Variants in BLVRB observed in about 807,000 individuals in gnomAD.
The protein encoded by BLVRB is flavin reductase (NADPH).
BLVRB carries 25 observed loss-of-function variants against 21.1 expected under a neutral mutation model. The ratio of observed to expected loss-of-function variants is 1.19; its 90% confidence interval spans 0.86 to 1.66. BLVRB has a LOEUF of 1.66. Ranked by LOEUF, BLVRB falls within the 40% of genes most tolerant of loss-of-function variation. The probability of loss-of-function intolerance (pLI) is 0.00; values close to 1 mark genes in which losing one functional copy is unlikely to be tolerated. For missense variants in BLVRB, 274 were observed against 282.7 expected, an observed-to-expected ratio of 0.97 and a Z score of 0.22; for synonymous variants, 128 against 122.2, an observed-to-expected ratio of 1.05 and a Z score of -0.31.
At chr19:40,454,554 CT>C (rs766395951) in intron 3 of BLVRB, among the ~76,000 whole-genome samples, 39 of 147,178 alleles carry the variant, frequency 2.6e-4, no homozygotes, top group East Asian at 4.0e-4. Context: ...TTTCTTTTTT[CT>C]TTTTTTTTTT....
At chr19:40,448,127 C>T in intron 4 of BLVRB, 81 bp from the exon 5 acceptor site, 1 of 1,484,560 alleles carries the variant, frequency 6.7e-7, no homozygotes, top group South Asian at 1.3e-5. Context: ...AAAGACCTTC[C>T]CAGGGTGCCT....
intron 1 of BLVRB, among the ~76,000 whole-genome samples, chr19:40,459,304 GA>G (rs2079776068): frequency 9.7e-6 from 1 of 103,436 alleles, no homozygotes; most frequent in Non-Finnish European, 1.8e-5. Context: ...CTCCAGCCTG[GA>G]TGACAAAGCG....
chr19:40,448,024 C>T lies in BLVRB; in HGVS notation c.486G>A (p.Ala162=), dbSNP rs761616455. 94 of 1,613,420 alleles carry T rather than the reference C, an allele frequency of 5.8e-5. No individual in the cohort carries two copies. Among genetic ancestry groups the T allele is most frequent in the South Asian group, 7.7e-5 (7 of 91,072 alleles). ...PHIGDQPLTG[A]YTVTLDGRGP... ...CTCGTCCATCCAGGGTCACTGTGTA[C>T]GCCCCAGTTAGTGGCTGGTCTCCTA... The change falls in exon 5 of 5, where the codon GCG becomes GCA. Residue 162 remains alanine, a synonymous_variant. Transcript: ENST00000263368.
chr19:40,457,199 C>T (rs537473940), intron 3 of BLVRB, among the ~76,000 whole-genome samples: 14 of 150,786 alleles, frequency 9.3e-5, no homozygotes, highest in African/African-American at 2.7e-4. Context: ...ATTCTGAAAT[C>T]GCAAGTTTAC....
intron 3 of BLVRB, among the ~76,000 whole-genome samples, chr19:40,455,546 A>C (rs1270888003): frequency 6.6e-6 from 1 of 152,134 alleles, no homozygotes; most frequent in Non-Finnish European, 1.5e-5. Flanking sequence ...CACACACACA[A>C]AATTAACCAG....
chr19:40,459,327 C>CAAAAAAAAAAAAAAAAAAA (rs751696189), intron 1 of BLVRB, among the ~76,000 whole-genome samples: 3 of 34,428 alleles, frequency 8.7e-5, no homozygotes, highest in African/African-American at 3.2e-4. Context: ...GACTCTATCT[C>CAAAAAAAAAAAAAAAAAAA]AAAAAAAAAA....
Position 40,451,318 on chromosome 19 carries a change from G to A in BLVRB, c.463+46C>T, listed in dbSNP as rs768108104. 2.1e-5 allele frequency: 33 copies of A among 1,576,602 alleles called. 3 individuals are homozygous for A. The Middle Eastern group carries it at 5.4e-3, about 259-fold the overall frequency. ...GCAGATCTCCCCAGAGGGCAGGAGG[G>A]AACAGGCAGATGGCATTGGTGCCAC... On this transcript the variant is annotated intron_variant, in intron 4 of 4. Coordinates refer to ENST00000263368, the MANE Select transcript of BLVRB (RefSeq NM_000713.3).
chr19:40,456,436 T>G (rs1326373016), intron 3 of BLVRB, among the ~76,000 whole-genome samples: 1 of 150,460 alleles, frequency 6.6e-6, no homozygotes, highest in East Asian at 2.0e-4. Flanking sequence ...GTTTGTTTTT[T>G]TTTTAATGAA....
intron 3 of BLVRB, among the ~76,000 whole-genome samples, chr19:40,455,645 C>T (rs1231450558): frequency 6.6e-6 from 1 of 152,168 alleles, no homozygotes; most frequent in Non-Finnish European, 1.5e-5. Context: ...TTGCAGTGAG[C>T]CAAGATCACG....
At chr19:40,456,392 C>T (rs2079762200) in intron 3 of BLVRB, among the ~76,000 whole-genome samples, 1 of 150,784 alleles carries the variant, frequency 6.6e-6, no homozygotes, top group South Asian at 2.1e-4. Context: ...CACTGCACTC[C>T]AGCCTGGGTG....
chr19:40,456,439 T>C (rs4803339), intron 3 of BLVRB, among the ~76,000 whole-genome samples: 15,148 of 149,984 alleles, frequency 0.1, 958 homozygotes, highest in Non-Finnish European at 0.14. Flanking sequence ...TGTTTTTTTT[T>C]TAATGAAAAA....
chr19:40,461,177 G>A (rs1328558233), intron 1 of BLVRB, among the ~76,000 whole-genome samples: 2 of 152,050 alleles, frequency 1.3e-5, no homozygotes, highest in South Asian at 2.1e-4. Context: ...GCTACCGAGC[G>A]TGGCCTATTA....
At chr19:40,454,134 C>T (rs531837940) in intron 3 of BLVRB, among the ~76,000 whole-genome samples, 4 of 152,258 alleles carry the variant, frequency 2.6e-5, no homozygotes, top group Middle Eastern at 3.4e-3. Context: ...CCTGTGGTCT[C>T]AGCTACTCAG....
At chr19:40,457,187 C>A (rs1307508892) in intron 3 of BLVRB, among the ~76,000 whole-genome samples, 1 of 149,798 alleles carries the variant, frequency 6.7e-6, no homozygotes, top group Admixed American at 6.7e-5. Context: ...AAAAAGTGAA[C>A]CATTCTGAAA....
intron 4 of BLVRB, among the ~76,000 whole-genome samples, chr19:40,450,696 C>T (rs569082639): frequency 3.3e-5 from 5 of 150,572 alleles, no homozygotes; most frequent in South Asian, 2.1e-4. Flanking sequence ...GTGTGTGCCA[C>T]GACGCCCAGC....
intron 1 of BLVRB, among the ~76,000 whole-genome samples, chr19:40,459,456 A>AT (rs1328017945): frequency 7.0e-6 from 1 of 142,140 alleles, no homozygotes; most frequent in Non-Finnish European, 1.5e-5. Context: ...TATTATTATT[A>AT]TTATTTTTTG....
At chr19:40,457,239 G>C (rs1180902247) in intron 3 of BLVRB, among the ~76,000 whole-genome samples, 1 of 151,630 alleles carries the variant, frequency 6.6e-6, no homozygotes, top group South Asian at 2.1e-4. Flanking sequence ...TTCAGAGCTT[G>C]AGGAAAAAAG....
At position 40,447,895 on chromosome 19, in the gene BLVRB, G is replaced by C. The variant is rs200609801; in HGVS notation, c.615C>G (p.Tyr205Ter). ...CCCAGATGGGGACAGAGTGCTACTG[G>C]TACTGGTGGGAGGGGTAGGTGCTGT... ...DGHSTYPSHQ[Y>*]Q Residue 205 changes from tyrosine to a stop codon, truncating the protein, a stop_gained, in exon 5 of 5, where the codon TAC becomes TAG. Transcript: ENST00000263368. LOFTEE classifies it high-confidence loss of function. 3.8e-5 allele frequency: 62 copies of C among 1,613,736 alleles called. 1 individual carries two copies. The Middle Eastern group carries it at 1.3e-3, about 34-fold the overall frequency.
At chr19:40,458,645 C>T in intron 1 of BLVRB, 100 bp from the exon 2 acceptor site, 1 of 1,383,548 alleles carries the variant, frequency 7.2e-7, no homozygotes, top group South Asian at 1.5e-5. Context: ...AAATCCATCC[C>T]CTCCTCTGTT....
Sources: gnomAD v4.1 joint callset for allele counts (sites outside exome capture counted in the v4.1 genomes callset) on GRCh38, gnomAD v4.1.1 for gene constraint, MANE v1.5 for transcripts, NCBI Gene and HGNC (gene_info 2026-07-23, HGNC 2026-07-21) for gene names.